The following NRBP1 variants were observed in gnomAD, a reference collection of about 807,000 sequenced individuals.
NRBP1 encodes the protein nuclear receptor-binding protein.
NRBP1 carries 10 observed loss-of-function variants against 76.0 expected under a neutral mutation model. The ratio of observed to expected loss-of-function variants is 0.13; its 90% CI spans 0.08 to 0.22. The LOEUF (loss-of-function observed/expected upper bound fraction) is 0.22, where lower values mean the gene tolerates loss of function less well. NRBP1 is among the 10% of genes least tolerant of loss of function. The pLI is 1.00. For missense variants in NRBP1, 344 were observed against 646.0 expected (o/e 0.53, Z 5.07); for synonymous variants, 235 against 240.2 (o/e 0.98, Z 0.20).
chr2:27,434,624 G>C, intron 5 of NRBP1, 64 bp downstream of exon 5: 1 of 1,592,170 alleles, frequency 6.3e-7, no homozygotes, highest in Non-Finnish European at 8.6e-7. Context: ...AAAGGACTCT[G>C]TTAATAATGA....
At chr2:27,431,193 G>A (rs1664101813) in intron 1 of NRBP1, among the ~76,000 whole-genome samples, 1 of 152,262 alleles carries the variant, frequency 6.6e-6, no homozygotes, top group South Asian at 2.1e-4. Flanking sequence ...CCAGCTACTC[G>A]GGAGGCTGAG....
At chr2:27,433,584 G>A in intron 2 of NRBP1, 89 bp from the exon 3 acceptor site, 1 of 1,602,690 alleles carries the variant, frequency 6.2e-7, no homozygotes, top group Non-Finnish European at 8.5e-7. Flanking sequence ...TCAATAGGTT[G>A]GGGGCTAGGA....
At chr2:27,434,927 A>G (rs778074414) in intron 6 of NRBP1, 165 bp downstream of exon 6, 2 of 727,418 alleles carry the variant, frequency 2.7e-6, no homozygotes, top group Non-Finnish European at 4.8e-6. Context: ...GTGCGTCCTA[A>G]TGCCCTAACC....
At chr2:27,436,363 A>G in intron 7 of NRBP1, 1 of 197,946 alleles carries the variant, frequency 5.1e-6, no homozygotes, top group Admixed American at 5.4e-5. Context: ...GGTGGATGAA[A>G]AAACTAAAAC....
At chr2:27,429,386 C>G (rs1022452223) in intron 1 of NRBP1, 3 of 152,386 alleles carry the variant, frequency 2.0e-5, no homozygotes, top group Admixed American at 6.5e-5. Context: ...GCTGAGAGGC[C>G]TGGGCCCGTG....
chr2:27,431,506 C>G (rs1664114287), intron 1 of NRBP1, among the ~76,000 whole-genome samples: 1 of 151,892 alleles, frequency 6.6e-6, no homozygotes, highest in Non-Finnish European at 1.5e-5. Flanking sequence ...ACAATAAATG[C>G]TTAATAAAAC....
intron 16 of NRBP1, 22 bp from the exon 17 acceptor site, chr2:27,441,545 C>T (rs955659288): frequency 3.0e-5 from 48 of 1,613,478 alleles, no homozygotes; most frequent in Non-Finnish European, 4.1e-5. Context: ...ACTGTACTCA[C>T]CCCCTCCTGT....
chr2:27,439,622 G>A (rs890193629), intron 10 of NRBP1, 144 bp from the exon 11 acceptor site: 3 of 785,102 alleles, frequency 3.8e-6, no homozygotes, highest in Non-Finnish European at 5.9e-6. Flanking sequence ...CCTTTCAGGT[G>A]CATTTTTCAA....
chr2:27,431,577 C>A (rs543647079), intron 1 of NRBP1: 1 of 152,310 alleles, frequency 6.6e-6, no homozygotes, highest in East Asian at 1.9e-4. Flanking sequence ...TTGTCACACT[C>A]ACATCACAGG....
Position 27,433,481 on chromosome 2 carries a change from G to A in NRBP1, c.208G>A (p.Glu70Lys). 6.2e-7 allele frequency: 1 copy of A among 1,614,060 alleles called. No homozygotes were observed. Among genetic ancestry groups the A allele is most frequent in the Non-Finnish European group, 8.5e-7 (1 of 1,179,980 alleles). Residue 70 changes from glutamate to lysine, a missense_variant and splice_region_variant, in exon 2 of 18, where the codon GAG (glutamate) becomes AAG (lysine). Physicochemically the swap from Glu to Lys is moderately conservative, Grantham distance 56 (BLOSUM62 1). Transcript: ENST00000379852. Reference protein sequence around the residue: ...PCGRWQKRREEVNQRNVPGID... With the variant: ...PCGRWQKRREKVNQRNVPGID... ...TGGGCGCTGGCAGAAGAGGCGAGAA[G>A]AGGTAAGGTTATGGTACAGTTACTC...
At chr2:27,436,292 C>T in intron 7 of NRBP1, 1 of 194,128 alleles carries the variant, frequency 5.2e-6, no homozygotes, top group Non-Finnish European at 1.1e-5. Context: ...TATCCAAGTT[C>T]CTGAGGTCTC....
At chr2:27,433,955 G>GA (rs3214499) in intron 3 of NRBP1, 34 bp from the exon 4 acceptor site, 731,135 of 1,600,998 alleles carry the variant, frequency 0.46, 176,131 homozygotes, top group African/African-American at 0.82. Context: ...AGTGATTTGT[G>GA]ACTCTGTTAT....
intron 6 of NRBP1, 133 bp downstream of exon 6, chr2:27,434,895 GC>G (rs1664246896): frequency 1.0e-6 from 1 of 952,524 alleles, no homozygotes; most frequent in Non-Finnish European, 1.7e-6. Flanking sequence ...CAAGATTAGG[GC>G]CCCTACGGGT....
chr2:27,437,282 G>A lies in NRBP1; in HGVS notation c.825G>A (p.Gln275=). 1.9e-6 allele frequency: 3 copies of A among 1,613,784 alleles called. No homozygotes were observed. Among genetic ancestry groups the A allele is most frequent in the Non-Finnish European group, 2.5e-6 (3 of 1,179,826 alleles). The change falls in exon 10 of 18, where the codon CAG becomes CAA. Residue 275 remains glutamine (Q), a synonymous_variant. Transcript: ENST00000379852. Reference sequence around the variant, plus strand: ...TGAAGATGGCAGTGCTGGAGATTCAGGGCAATGGAGAGTCCTCATATGTGC... The same window carrying A: ...TGAAGATGGCAGTGCTGGAGATTCAAGGCAATGGAGAGTCCTCATATGTGC... ...CALEMAVLEI[Q]GNGESSYVPQ...
chr2:27,441,016 T>C, intron 14 of NRBP1, 76 bp downstream of exon 14: 1 of 1,609,250 alleles, frequency 6.2e-7, no homozygotes, highest in Non-Finnish European at 8.5e-7. Context: ...TAAGGCTCTA[T>C]CCTTTAGAGA....
Position 27,440,050 on chromosome 2 carries a change from C to T in NRBP1, c.1036+152C>T, listed in dbSNP as rs1664472519. 1.4e-5 allele frequency: 10 copies of T among 719,374 alleles called. No individual in the cohort carries two copies. In the South Asian group the frequency reaches 1.8e-4, roughly 13 times the overall value. The allele number at this position is 719,374 out of a possible 1,614,324, so 44.6% of individuals were successfully genotyped here. A position where few individuals can be genotyped will look rare whatever the true frequency, so the allele number is the denominator to read the frequency against. On this transcript the variant is annotated intron_variant, in intron 11 of 17. Transcript: ENST00000379852. ...TTTTTTTGAGACAGAGTCTCACTCT[C>T]TCTCAGGCTGGAGTGCAATGGCTTG...
Position 27,441,190 on chromosome 2 carries a change from A to G in NRBP1, c.1383+10A>G, listed in dbSNP as rs1219232396. ...GGGAGTCAAACACCACGTAAGGCTC[A>G]GGGCTAGGGTTGCGCAGGGCTAGTA... On this transcript the variant is annotated intron_variant, in intron 15 of 17. Coordinates refer to ENST00000379852, the MANE Select transcript of NRBP1 (RefSeq NM_013392.4). 4 of 1,614,002 alleles carry G rather than the reference A, an allele frequency of 2.5e-6. No homozygotes were observed. In the African/African-American group the frequency reaches 4.0e-5, roughly 16 times the overall value.
intron 2 of NRBP1, 94 bp from the exon 3 acceptor site, chr2:27,433,579 A>G: frequency 6.3e-7 from 1 of 1,597,708 alleles, no homozygotes; most frequent in Non-Finnish European, 8.6e-7. Flanking sequence ...AAACTTCAAT[A>G]GGTTGGGGGC....
chr2:27,438,120 C>T (rs1209445466), intron 10 of NRBP1, among the ~76,000 whole-genome samples: 1 of 150,948 alleles, frequency 6.6e-6, no homozygotes, highest in African/African-American at 2.4e-5. Context: ...GCGGAGATTG[C>T]AGTGAGCTGA....
Sources: gnomAD v4.1 joint callset for allele counts (sites outside exome capture counted in the v4.1 genomes callset) on GRCh38, gnomAD v4.1.1 for gene constraint, MANE v1.5 for transcripts, NCBI Gene and HGNC (gene_info 2026-07-23, HGNC 2026-07-21) for gene names.